DOCK8: variants seen among roughly 807,000 people sequenced by gnomAD.
The protein encoded by DOCK8 is dedicator of cytokinesis protein 8.
In DOCK8, 141 loss-of-function variants were observed where a neutral mutation model predicts 245.6. The ratio of observed to expected loss-of-function variants is 0.57; its 90% CI spans 0.50 to 0.66. The LOEUF (loss-of-function observed/expected upper bound fraction) is 0.66. Ranked by LOEUF, DOCK8 falls within the 30% of genes least tolerant of loss-of-function variation. The probability of loss-of-function intolerance (pLI) is 0.00; values close to 1 mark genes in which losing one functional copy is unlikely to be tolerated. For synonymous variants in DOCK8, 1,168 were observed against 970.2 expected, an observed-to-expected ratio of 1.20 and a Z score of -3.79; for missense variants, 2,965 against 2,603.4, an observed-to-expected ratio of 1.14 and a Z score of -3.02.
chr9:449,993 A>C, intron 45 of DOCK8, 66 bp downstream of exon 45: 2 of 1,568,340 alleles, frequency 1.3e-6, no homozygotes, highest in Non-Finnish European at 1.7e-6. Flanking sequence ...ATACGTCTGC[A>C]CCCTTCTTCC....
At chr9:311,826 A>G (rs2050126573) in intron 5 of DOCK8, 128 bp from the exon 6 acceptor site, 2 of 1,151,606 alleles carry the variant, frequency 1.7e-6, no homozygotes, top group East Asian at 2.3e-5. Flanking sequence ...CAGTTTCTTC[A>G]GAAGACTTGA....
intron 44 of DOCK8, among the ~76,000 whole-genome samples, chr9:447,236 C>G (rs184575550): frequency 1.5e-3 from 226 of 152,304 alleles, no homozygotes; most frequent in African/African-American, 5.2e-3. Flanking sequence ...GTCTCTCAAA[C>G]CACAGAATTG....
At chr9:426,742 A>G in intron 33 of DOCK8, 143 bp from the exon 34 acceptor site, 1 of 711,148 alleles carries the variant, frequency 1.4e-6, no homozygotes, top group Non-Finnish European at 2.5e-6. Flanking sequence ...CCTGCACTGT[A>G]GTTACTCAGG....
intron 36 of DOCK8, among the ~76,000 whole-genome samples, 161 bp from the exon 37 acceptor site, chr9:432,005 T>C (rs977675356): frequency 6.6e-6 from 1 of 152,182 alleles, no homozygotes; most frequent in African/African-American, 2.4e-5. Context: ...ATGAATGTTG[T>C]GCAAAGTGTA....
rs778918075 is a variant in DOCK8, at chr9:304,662, G to C, written c.486G>C (p.Thr162=). The C allele has an allele frequency of 2.5e-6, 4 of 1,614,032 alleles. No individual in the cohort carries two copies. Among genetic ancestry groups the C allele is most frequent in the Admixed American group, 1.7e-5 (1 of 59,998 alleles). ...KDFHKTLPKQ[T]FESETLECSE... is the part of the protein sequence containing the mutation. ...TTCACAAGACGCTTCCGAAACAGAC[G>C]TTTGAGTCGGAAACCTTGGAGTGCA... The change falls in exon 5 of 48, where the codon ACG becomes ACC. Residue 162 remains threonine (T), a synonymous_variant. Transcript: ENST00000432829.
chr9:244,516 C>T (rs2047459034), intron 1 of DOCK8, among the ~76,000 whole-genome samples: 1 of 152,138 alleles, frequency 6.6e-6, no homozygotes, highest in South Asian at 2.1e-4. Flanking sequence ...AGTCCTAAAT[C>T]ATGTGATTGC....
At chr9:251,327 T>C (rs1375227530) in intron 1 of DOCK8, among the ~76,000 whole-genome samples, 1 of 152,214 alleles carries the variant, frequency 6.6e-6, no homozygotes, top group Admixed American at 6.5e-5. Context: ...TCTTAAATCT[T>C]TTACCCATTG....
At chr9:460,672 CTGTG>C (rs1332526404) in intron 46 of DOCK8, among the ~76,000 whole-genome samples, 1 of 152,216 alleles carries the variant, frequency 6.6e-6, no homozygotes, top group African/African-American at 2.4e-5. Context: ...CTTTCAGATT[CTGTG>C]TGAGTTAAAT....
intron 26 of DOCK8, among the ~76,000 whole-genome samples, chr9:400,039 A>AGCACTT (rs1564011738): frequency 3.4e-4 from 39 of 116,052 alleles, no homozygotes; most frequent in African/African-American, 1.4e-3. Flanking sequence ...CATCACCACC[A>AGCACTT]CCACCTCCAC....
intron 1 of DOCK8, among the ~76,000 whole-genome samples, chr9:217,711 C>T (rs1429207597): frequency 1.3e-5 from 2 of 152,148 alleles, no homozygotes; most frequent in African/African-American, 2.4e-5. Context: ...TTATTGTTTA[C>T]TTATTGTGTC....
intron 22 of DOCK8, among the ~76,000 whole-genome samples, chr9:385,568 G>C (rs546921929): frequency 1.3e-5 from 2 of 152,300 alleles, no homozygotes; most frequent in South Asian, 4.1e-4. Flanking sequence ...ATAATGGTTT[G>C]CTACCACACT....
At position 406,912 on chromosome 9, in the gene DOCK8, C is replaced by A; in HGVS notation, c.3391-18C>A. On this transcript the variant is annotated intron_variant, in intron 27 of 47. Coordinates refer to ENST00000432829, the MANE Select transcript of DOCK8 (RefSeq NM_203447.4). ...CCAGTTCTTGTGGCTCATAAAATGG[C>A]TCCTTACGTTTCTGTAGAACTCAAG... 6.2e-7 allele frequency: 1 copy of A among 1,614,032 alleles called. No individual in the cohort carries two copies. The highest frequency in any genetic ancestry group is 8.5e-7 in the Non-Finnish European group (1 of 1,179,982).
At chr9:407,649 C>T (rs997573824) in intron 28 of DOCK8, among the ~76,000 whole-genome samples, 1 of 152,206 alleles carries the variant, frequency 6.6e-6, no homozygotes, top group Non-Finnish European at 1.5e-5. Flanking sequence ...AGACCACCCC[C>T]TTCTTTCCTT....
At chr9:351,149 C>T (rs1586770086) in intron 14 of DOCK8, among the ~76,000 whole-genome samples, 1 of 152,266 alleles carries the variant, frequency 6.6e-6, no homozygotes, top group East Asian at 1.9e-4. Context: ...GTCGGGGTTC[C>T]ACCGGGATTT....
rs7048882 is a variant in DOCK8, at chr9:352,943, C to T, written c.1679+12622C>T. Among the ~76,000 whole-genome samples, 1,315 of 152,132 alleles carry T rather than the reference C, an allele frequency of 8.6e-3. 19 individuals carry two copies. Among genetic ancestry groups the T allele is most frequent in the African/African-American group, 0.03 (1,259 of 41,484 alleles). On this transcript the variant is annotated intron_variant, in intron 14 of 47. Coordinates refer to ENST00000432829, the MANE Select transcript of DOCK8 (RefSeq NM_203447.4). ...GGGACAAAGGGAGCAGGATATCTTC[C>T]CTTTGAAAAATCTCATATGCCTGGC...
intron 26 of DOCK8, among the ~76,000 whole-genome samples, chr9:403,892 CTA>C (rs768500884): frequency 0.054 from 3,937 of 73,158 alleles, 88 homozygotes; most frequent in Admixed American, 0.071. Context: ...CTCTCTCTCT[CTA>C]TATATATATA....
chr9:279,868 C>T lies in DOCK8; in HGVS notation c.157-6593C>T, dbSNP rs144399174. 3.8e-3 allele frequency among the ~76,000 whole-genome samples: 577 copies of T among 152,314 alleles called. 2 individuals carry two copies. Among genetic ancestry groups the T allele is most frequent in the African/African-American group, 0.013 (539 of 41,588 alleles). The stretch of plus-strand genomic sequence containing the variant: ...GCGTGAAGCCTCCCCAGTGCTGTAA[C>T]GAGGCAGCCAGGTCCTGTGTGACTG... On this transcript the variant is annotated intron_variant, in intron 2 of 47. Transcript: ENST00000432829.
At chr9:309,005 C>G (rs1033113351) in intron 5 of DOCK8, among the ~76,000 whole-genome samples, 4 of 152,180 alleles carry the variant, frequency 2.6e-5, no homozygotes, top group African/African-American at 9.6e-5. Context: ...ATGAAAGTTC[C>G]AAAATCTCTT....
At chr9:378,110 A>G (rs1001705116) in intron 20 of DOCK8, among the ~76,000 whole-genome samples, 4 of 152,214 alleles carry the variant, frequency 2.6e-5, no homozygotes, top group African/African-American at 9.6e-5. Flanking sequence ...AGGACTTATA[A>G]TATGGCAAAG....
Sources: gnomAD v4.1 joint callset for allele counts (sites outside exome capture counted in the v4.1 genomes callset) on GRCh38, gnomAD v4.1.1 for gene constraint, MANE v1.5 for transcripts, NCBI Gene and HGNC (gene_info 2026-07-23, HGNC 2026-07-21) for gene names.